NRXN1: variants seen among roughly 807,000 people sequenced by gnomAD.
NRXN1 encodes the protein neurexin 1.
In NRXN1, 39 loss-of-function variants were observed where a neutral mutation model predicts 150.9. The observed-to-expected ratio is 0.26, with a 90% confidence interval of 0.20 to 0.34. NRXN1 has a LOEUF of 0.34. NRXN1 is among the 10% of genes least tolerant of loss of function. The probability of loss-of-function intolerance (pLI) is 1.00; values close to 1 mark genes in which losing one functional copy is unlikely to be tolerated. For synonymous variants in NRXN1, 924 were observed against 757.0 expected (o/e 1.22, Z -3.62); for missense variants, 1,815 against 1,949.9 (o/e 0.93, Z 1.30).
At chr2:50,800,642 C>G (rs201029298) in intron 5 of NRXN1, among the ~76,000 whole-genome samples, 1 of 152,076 alleles carries the variant, frequency 6.6e-6, no homozygotes, top group Non-Finnish European at 1.5e-5. Context: ...CTCCACCTCC[C>G]GGGTTCAGGC....
chr2:50,561,141 T>C (rs895391595), intron 8 of NRXN1, among the ~76,000 whole-genome samples: 2 of 152,176 alleles, frequency 1.3e-5, no homozygotes, highest in African/African-American at 4.8e-5. Context: ...ATTCCAGCAT[T>C]CAGTGAACTG....
intron 5 of NRXN1, among the ~76,000 whole-genome samples, chr2:50,824,854 G>C (rs1166114503): frequency 1.3e-5 from 2 of 152,126 alleles, no homozygotes; most frequent in African/African-American, 2.4e-5. Context: ...TGAATAACAA[G>C]AGGGAATACT....
intron 21 of NRXN1, among the ~76,000 whole-genome samples, chr2:50,010,264 T>G (rs969143672): frequency 6.6e-6 from 1 of 152,152 alleles, no homozygotes; most frequent in Non-Finnish European, 1.5e-5. Flanking sequence ...CTTACTGAGA[T>G]TAGCTGGGAT....
At chr2:50,574,650 A>C (rs1671125844) in intron 8 of NRXN1, among the ~76,000 whole-genome samples, 1 of 152,170 alleles carries the variant, frequency 6.6e-6, no homozygotes. Flanking sequence ...ACTCTGAAAA[A>C]TCTAAAGAGA....
intron 5 of NRXN1, among the ~76,000 whole-genome samples, chr2:50,899,582 T>A (rs1682588628): frequency 6.6e-6 from 1 of 151,980 alleles, no homozygotes; most frequent in African/African-American, 2.4e-5. Flanking sequence ...TTTTAAAAAA[T>A]TTAAAAAAGG....
intron 19 of NRXN1, 39 bp downstream of exon 19, chr2:50,091,284 T>G (rs1428044811): frequency 6.2e-7 from 1 of 1,611,960 alleles, no homozygotes; most frequent in East Asian, 2.2e-5. Flanking sequence ...CAGTTTGTTT[T>G]TCATAAAATC....
chr2:50,889,949 CAT>C (rs1455365382), intron 5 of NRXN1, among the ~76,000 whole-genome samples: 6 of 151,626 alleles, frequency 4.0e-5, no homozygotes, highest in Admixed American at 3.9e-4. Flanking sequence ...TTTTCCTAAA[CAT>C]ATCTTTAAAA....
intron 5 of NRXN1, among the ~76,000 whole-genome samples, chr2:50,820,186 T>A (rs532264916): frequency 6.6e-6 from 1 of 152,260 alleles, no homozygotes; most frequent in African/African-American, 2.4e-5. Context: ...CCATCCTGAT[T>A]TCTCTCCTGT....
chr2:49,976,736 T>C (rs1189632234), intron 21 of NRXN1, among the ~76,000 whole-genome samples: 3 of 152,194 alleles, frequency 2.0e-5, no homozygotes, highest in Non-Finnish European at 4.4e-5. Flanking sequence ...TATCTATGAA[T>C]GCAAATAATA....
chr2:50,637,298 T>C (rs1391346506), intron 5 of NRXN1, among the ~76,000 whole-genome samples: 1 of 152,174 alleles, frequency 6.6e-6, no homozygotes, highest in Non-Finnish European at 1.5e-5. Flanking sequence ...ATCAACATTC[T>C]CTAGCTCAGT....
At chr2:50,539,848 G>A (rs921158390) in intron 9 of NRXN1, among the ~76,000 whole-genome samples, 1 of 152,200 alleles carries the variant, frequency 6.6e-6, no homozygotes, top group African/African-American at 2.4e-5. Flanking sequence ...GTGTGATACA[G>A]AAGTAAGGAC....
intron 5 of NRXN1, 104 bp from the exon 6 acceptor site, chr2:50,623,719 T>C: frequency 1.3e-6 from 1 of 762,148 alleles, no homozygotes. Context: ...TTAACCTGCT[T>C]AATTAGATTT....
chr2:50,048,322 A>G (rs919085129), intron 21 of NRXN1, among the ~76,000 whole-genome samples: 1 of 152,188 alleles, frequency 6.6e-6, no homozygotes, highest in Non-Finnish European at 1.5e-5. Context: ...GGACTAGGGA[A>G]AATAAATTAA....
At chr2:49,987,759 G>A (rs978319746) in intron 21 of NRXN1, among the ~76,000 whole-genome samples, 3 of 145,436 alleles carry the variant, frequency 2.1e-5, no homozygotes, top group Admixed American at 6.9e-5. Context: ...ATGAAACAAC[G>A]TTTTTTTTTT....
intron 17 of NRXN1, among the ~76,000 whole-genome samples, chr2:50,258,935 C>G (rs1379073512): frequency 2.6e-5 from 4 of 152,018 alleles, no homozygotes; most frequent in African/African-American, 9.7e-5. Context: ...ATATTGGGCT[C>G]AAAGTGTTCA....
intron 22 of NRXN1, among the ~76,000 whole-genome samples, chr2:49,924,449 CTT>C (rs1354833187): frequency 5.3e-5 from 8 of 150,910 alleles, no homozygotes; most frequent in Non-Finnish European, 1.2e-4. Context: ...AATGGACTAT[CTT>C]ATCAAAAAAA....
rs145737134 is a variant in NRXN1, at chr2:50,480,813, G to A, written c.3071-8342C>T. Among the ~76,000 whole-genome samples the A allele has an allele frequency of 3.5e-3, 537 of 152,002 alleles. 5 individuals are homozygous for A. The highest frequency in any genetic ancestry group is 0.02 in the East Asian group (104 of 5,156). On this transcript the variant is annotated intron_variant, in intron 15 of 22. Coordinates refer to ENST00000401669, the MANE Select transcript of NRXN1 (RefSeq NM_001330078.2). ...GACTTTGAGTTTCACAAAAATCACC[G>A]AGACAACTGAACTGAAATGTACAGA...
At position 50,815,237 on chromosome 2, in the gene NRXN1, A is replaced by T. The variant is rs1668760608; in HGVS notation, c.832+106632T>A. ...TTAAAGCAGGTACACAAGACAAGAC[A>T]GACACCGATCTCCAGTGCAGAGGTG... On this transcript the variant is annotated intron_variant, in intron 5 of 22. Transcript: ENST00000401669. Among the ~76,000 whole-genome samples, 3 of 152,288 alleles carry T rather than the reference A, an allele frequency of 2.0e-5. No homozygotes were observed. In the South Asian group the frequency reaches 6.2e-4, roughly 32 times the overall value.
chr2:50,066,705 A>G (rs1312018371), intron 19 of NRXN1, among the ~76,000 whole-genome samples: 1 of 152,188 alleles, frequency 6.6e-6, no homozygotes, highest in African/African-American at 2.4e-5. Context: ...AACCATGAAA[A>G]AAAAGAAAAA....
Sources: allele counts gnomAD v4.1 joint callset (sites outside exome capture counted in the v4.1 genomes callset), GRCh38; gene constraint gnomAD v4.1.1; transcripts MANE v1.5; gene names NCBI Gene and HGNC (gene_info 2026-07-23, HGNC 2026-07-21).